SCMH1: variants seen among roughly 807,000 people sequenced by gnomAD.
SCMH1 encodes the protein polycomb protein SCMH1.
In SCMH1, 37 loss-of-function variants were observed where a neutral mutation model predicts 70.8. The ratio of observed to expected loss-of-function variants is 0.52; its 90% CI spans 0.40 to 0.69. SCMH1 has a LOEUF of 0.69. Among genes scored for constraint, SCMH1 ranks in the 30% least tolerant of loss-of-function variants. SCMH1 has a pLI of 0.00. For missense variants in SCMH1, 607 were observed against 827.3 expected (o/e 0.73, Z 3.27); for synonymous variants, 292 against 307.4 (o/e 0.95, Z 0.52).
At chr1:41,089,929 C>A (rs891118080) in intron 8 of SCMH1, among the ~76,000 whole-genome samples, 1 of 151,438 alleles carries the variant, frequency 6.6e-6, no homozygotes, top group African/African-American at 2.4e-5. Context: ...GTAGCTGGGA[C>A]TACAGGCATG....
intron 2 of SCMH1, among the ~76,000 whole-genome samples, chr1:41,175,084 C>T (rs1647026962): frequency 2.0e-5 from 3 of 152,134 alleles, no homozygotes; most frequent in Admixed American, 1.3e-4. Flanking sequence ...CTAAGGGACG[C>T]CCAAATAGCT....
At chr1:41,055,872 A>T (rs1487427069) in intron 10 of SCMH1, among the ~76,000 whole-genome samples, 1 of 152,228 alleles carries the variant, frequency 6.6e-6, no homozygotes, top group Non-Finnish European at 1.5e-5. Context: ...TTAGATGATG[A>T]GATCCTAGAC....
At chr1:41,239,398 A>C (rs72665639) in intron 1 of SCMH1, among the ~76,000 whole-genome samples, 12,495 of 152,286 alleles carry the variant, frequency 0.082, 698 homozygotes, top group South Asian at 0.15. Context: ...CTCTTCCCAA[A>C]GCCTTCCTTT....
At chr1:41,079,902 A>G (rs925419357) in intron 8 of SCMH1, among the ~76,000 whole-genome samples, 4 of 152,056 alleles carry the variant, frequency 2.6e-5, no homozygotes, top group Non-Finnish European at 2.9e-5. Context: ...CTATTTTTTC[A>G]TCAAGTTTAT....
At chr1:41,049,310 A>ATGTGTGTGTG (rs3030391) in intron 10 of SCMH1, among the ~76,000 whole-genome samples, 2,327 of 149,870 alleles carry the variant, frequency 0.016, 45 homozygotes, top group Admixed American at 0.059. Context: ...GCAAGGGCAT[A>ATGTGTGTGTG]TGTGTGTGTG....
intron 8 of SCMH1, among the ~76,000 whole-genome samples, chr1:41,084,919 T>C (rs1170123256): frequency 4.9e-5 from 7 of 143,738 alleles, no homozygotes; most frequent in African/African-American, 1.3e-4. Context: ...TAGGTGGGAA[T>C]TGAAGAATGA....
intron 1 of SCMH1, among the ~76,000 whole-genome samples, chr1:41,189,212 TG>T (rs1245916886): frequency 1.3e-4 from 20 of 152,314 alleles, no homozygotes; most frequent in Middle Eastern, 6.8e-3. Context: ...TGCAGTGGCA[TG>T]ATGTTGGCTC....
intron 10 of SCMH1, among the ~76,000 whole-genome samples, chr1:41,059,742 A>G (rs570340574): frequency 1.3e-5 from 2 of 152,290 alleles, no homozygotes; most frequent in African/African-American, 4.8e-5. Flanking sequence ...ACCCACCCTT[A>G]GATGCTACTG....
At chr1:41,219,348 C>T (rs1317085923) in intron 1 of SCMH1, among the ~76,000 whole-genome samples, 1 of 152,168 alleles carries the variant, frequency 6.6e-6, no homozygotes, top group Non-Finnish European at 1.5e-5. Context: ...AGTGAATTGT[C>T]AAACCTGAAA....
At chr1:41,168,914 T>A (rs1024679718) in intron 2 of SCMH1, among the ~76,000 whole-genome samples, 1 of 152,170 alleles carries the variant, frequency 6.6e-6, no homozygotes, top group Non-Finnish European at 1.5e-5. Flanking sequence ...AATCTCTAGA[T>A]GTAGCTGGAG....
intron 9 of SCMH1, among the ~76,000 whole-genome samples, chr1:41,071,018 G>A (rs912023989): frequency 6.7e-6 from 1 of 149,236 alleles, no homozygotes; most frequent in African/African-American, 2.5e-5. Context: ...TTATTAGTTG[G>A]GCAGACAAAA....
chr1:41,088,689 G>C (rs888400797), intron 8 of SCMH1, among the ~76,000 whole-genome samples: 2 of 152,150 alleles, frequency 1.3e-5, no homozygotes, highest in Non-Finnish European at 2.9e-5. Context: ...AGGAAAAAAA[G>C]TAATTCAAGT....
At chr1:41,068,358 T>C (rs554601244) in intron 10 of SCMH1, among the ~76,000 whole-genome samples, 1 of 152,302 alleles carries the variant, frequency 6.6e-6, no homozygotes, top group African/African-American at 2.4e-5. Context: ...TAAACAGGTA[T>C]GACGGGAGTG....
At chr1:41,097,297 C>A (rs1164335343) in intron 8 of SCMH1, among the ~76,000 whole-genome samples, 3 of 152,208 alleles carry the variant, frequency 2.0e-5, no homozygotes, top group African/African-American at 4.8e-5. Context: ...GGTCTACCTC[C>A]AACTCAGCAT....
At chr1:41,223,510 T>C (rs1268569821) in intron 1 of SCMH1, among the ~76,000 whole-genome samples, 1 of 151,008 alleles carries the variant, frequency 6.6e-6, no homozygotes, top group Non-Finnish European at 1.5e-5. Context: ...GTCGTAATTT[T>C]ATCTTTTTTT....
At chr1:41,116,858 CA>C in intron 7 of SCMH1, 63 bp downstream of exon 7, 1 of 1,301,234 alleles carries the variant, frequency 7.7e-7, no homozygotes, top group Non-Finnish European at 1.1e-6. Context: ...TAAATGTGGA[CA>C]TCAAAGTCTC....
intron 1 of SCMH1, among the ~76,000 whole-genome samples, chr1:41,237,934 G>C (rs1391186709): frequency 6.6e-6 from 1 of 152,060 alleles, no homozygotes; most frequent in African/African-American, 2.4e-5. Context: ...AGGAAGAAAG[G>C]AACTAATATT....
At chr1:41,119,101 C>T (rs897405279) in intron 6 of SCMH1, among the ~76,000 whole-genome samples, 19 of 152,266 alleles carry the variant, frequency 1.2e-4, no homozygotes, top group Admixed American at 3.3e-4. Context: ...GATTAAAATT[C>T]AGGCAATCTG....
intron 7 of SCMH1, among the ~76,000 whole-genome samples, chr1:41,114,785 T>G (rs11209555): frequency 0.078 from 11,874 of 152,034 alleles, 597 homozygotes; most frequent in South Asian, 0.12. Flanking sequence ...CAAGTGATCC[T>G]CCTACCTCAG....
Sources: allele counts gnomAD v4.1 joint callset (sites outside exome capture counted in the v4.1 genomes callset), GRCh38; gene constraint gnomAD v4.1.1; transcripts MANE v1.5; gene names NCBI Gene and HGNC (gene_info 2026-07-23, HGNC 2026-07-21).